The following THSD7B variants were observed in gnomAD, a reference collection of about 807,000 sequenced individuals.
THSD7B encodes thrombospondin type 1 domain containing 7B.
A neutral mutation model predicts 213.6 loss-of-function variants in THSD7B; 138 were observed. That is an observed-to-expected ratio of 0.65 (90% CI 0.56 to 0.74). The LOEUF is 0.74. Ranked by LOEUF, THSD7B falls within the 30% of genes least tolerant of loss-of-function variation. The probability of loss-of-function intolerance (pLI) is 0.00; values close to 1 mark genes in which losing one functional copy is unlikely to be tolerated. For missense variants in THSD7B, 1,931 were observed against 1,991.5 expected (o/e 0.97, Z 0.58); for synonymous variants, 742 against 687.0 (o/e 1.08, Z -1.25).
intron 12 of THSD7B, among the ~76,000 whole-genome samples, chr2:137,288,123 GAACAGAAGGACT>G (rs1683227826): frequency 6.6e-6 from 1 of 151,878 alleles, no homozygotes; most frequent in Admixed American, 6.6e-5. Flanking sequence ...TTTCTAAAGA[GAACAGAAGGACT>G]AACACTCTTT....
chr2:136,998,847 GATAA>G (rs1685945043), intron 2 of THSD7B, among the ~76,000 whole-genome samples: 1 of 151,384 alleles, frequency 6.6e-6, no homozygotes, highest in Admixed American at 6.6e-5. Context: ...TGATGGGGGA[GATAA>G]ATAATTAGTG....
At chr2:137,186,265 T>C (rs1680549559) in intron 7 of THSD7B, among the ~76,000 whole-genome samples, 1 of 152,212 alleles carries the variant, frequency 6.6e-6, no homozygotes, top group Non-Finnish European at 1.5e-5. Flanking sequence ...TTTGTTTTTG[T>C]TGCAATTGCT....
chr2:137,072,091 CT>C (rs967829687), intron 3 of THSD7B, among the ~76,000 whole-genome samples: 2 of 152,128 alleles, frequency 1.3e-5, no homozygotes, highest in African/African-American at 4.8e-5. Flanking sequence ...GCGATGCAGG[CT>C]CTTTTTTGGT....
At chr2:136,790,119 T>TTGTG (rs34366029) in intron 1 of THSD7B, among the ~76,000 whole-genome samples, 35 of 148,046 alleles carry the variant, frequency 2.4e-4, no homozygotes, top group Non-Finnish European at 4.1e-4. Context: ...GTGTGTGTGT[T>TTGTG]TGTGTGTGTG....
At chr2:137,186,525 G>A (rs1467090632) in intron 7 of THSD7B, among the ~76,000 whole-genome samples, 2 of 152,014 alleles carry the variant, frequency 1.3e-5, no homozygotes, top group South Asian at 2.1e-4. Flanking sequence ...GACTGTAGAT[G>A]TGTGGCTTTA....
At chr2:137,244,232 T>C (rs1681974219) in intron 10 of THSD7B, among the ~76,000 whole-genome samples, 1 of 152,238 alleles carries the variant, frequency 6.6e-6, no homozygotes, top group Admixed American at 6.5e-5. Flanking sequence ...AATAATATAA[T>C]CTATGATGAT....
chr2:137,294,784 G>A (rs1056861946), intron 12 of THSD7B, among the ~76,000 whole-genome samples: 10 of 151,964 alleles, frequency 6.6e-5, no homozygotes, highest in African/African-American at 2.2e-4. Flanking sequence ...CACAATTTCA[G>A]GCATTCACTA....
At chr2:137,216,742 T>G (rs1313407211) in intron 7 of THSD7B, among the ~76,000 whole-genome samples, 3 of 152,172 alleles carry the variant, frequency 2.0e-5, no homozygotes, top group Non-Finnish European at 2.9e-5. Flanking sequence ...GAAAATGTGG[T>G]TTCCTGAGTT....
At chr2:137,630,671 A>C (rs1191654548) in intron 20 of THSD7B, among the ~76,000 whole-genome samples, 2 of 152,212 alleles carry the variant, frequency 1.3e-5, no homozygotes, top group African/African-American at 2.4e-5. Flanking sequence ...GTGGAGCTGC[A>C]AAGGTTGGAG....
chr2:136,771,546 CA>C (rs923112403), intron 1 of THSD7B, among the ~76,000 whole-genome samples: 1 of 151,856 alleles, frequency 6.6e-6, no homozygotes, highest in Non-Finnish European at 1.5e-5. Flanking sequence ...TTAAAGTGGC[CA>C]AAAATGTTGC....
chr2:137,153,443 C>A (rs1471774260), intron 5 of THSD7B, among the ~76,000 whole-genome samples: 11 of 151,894 alleles, frequency 7.2e-5, no homozygotes, highest in Non-Finnish European at 1.6e-4. Context: ...ATCTTCCTGC[C>A]AAATTGTATT....
chr2:136,860,016 A>AT (rs3084113), intron 1 of THSD7B, among the ~76,000 whole-genome samples: 3,277 of 120,334 alleles, frequency 0.027, 134 homozygotes, highest in South Asian at 0.073. Context: ...ACAATTCATG[A>AT]TTTTTTTTTT....
At position 137,450,841 on chromosome 2, in the gene THSD7B, T is replaced by A. The variant is rs373399378; in HGVS notation, c.2960-4T>A. ...CTTTCTTCTCTTAAATCTTTTTCTG[T>A]CAGGTTACATTCAAGAAAAATGTGT... On this transcript the variant is annotated splice_polypyrimidine_tract_variant and splice_region_variant and intron_variant, in intron 14 of 27. Coordinates refer to ENST00000409968, the MANE Select transcript of THSD7B (RefSeq NM_001316349.2). 2.3e-5 allele frequency: 36 copies of A among 1,589,010 alleles called. No individual in the cohort carries two copies. Among genetic ancestry groups the A allele is most frequent in the Non-Finnish European group, 2.9e-5 (34 of 1,168,586 alleles).
chr2:136,952,867 T>A (rs1685062847), intron 2 of THSD7B, among the ~76,000 whole-genome samples: 1 of 152,186 alleles, frequency 6.6e-6, no homozygotes, highest in Non-Finnish European at 1.5e-5. Flanking sequence ...ACCTTCTCCC[T>A]TGTGGATATC....
chr2:137,004,238 GC>G (rs1297045593), intron 2 of THSD7B, among the ~76,000 whole-genome samples: 1 of 151,434 alleles, frequency 6.6e-6, no homozygotes, highest in Non-Finnish European at 1.5e-5. Flanking sequence ...TATAGATAGG[GC>G]TGCTGACCTT....
intron 15 of THSD7B, among the ~76,000 whole-genome samples, chr2:137,529,861 G>A (rs1174328926): frequency 6.6e-6 from 1 of 151,914 alleles, no homozygotes; most frequent in Non-Finnish European, 1.5e-5. Context: ...GTCCTCCCAT[G>A]TATTTGAAAT....
intron 1 of THSD7B, among the ~76,000 whole-genome samples, chr2:136,881,012 CT>C (rs1428433254): frequency 1.2e-4 from 18 of 152,066 alleles, no homozygotes; most frequent in Non-Finnish European, 2.5e-4. Context: ...TGTTTGTGTC[CT>C]TCACAGCAAC....
At chr2:137,401,154 T>C (rs1236780219) in intron 12 of THSD7B, among the ~76,000 whole-genome samples, 1 of 152,222 alleles carries the variant, frequency 6.6e-6, no homozygotes, top group Non-Finnish European at 1.5e-5. Flanking sequence ...ATATCTTTAA[T>C]ATTGGCCCCA....
At chr2:136,881,026 C>G (rs902409944) in intron 1 of THSD7B, among the ~76,000 whole-genome samples, 1 of 152,154 alleles carries the variant, frequency 6.6e-6, no homozygotes, top group African/African-American at 2.4e-5. Context: ...ACAGCAACCA[C>G]CAGCCTAATC....
Sources: gnomAD v4.1 joint callset for allele counts (sites outside exome capture counted in the v4.1 genomes callset) on GRCh38, gnomAD v4.1.1 for gene constraint, MANE v1.5 for transcripts, NCBI Gene and HGNC (gene_info 2026-07-23, HGNC 2026-07-21) for gene names.